Variants in CSRNP3 observed in about 807,000 individuals in gnomAD.
CSRNP3 encodes cysteine/serine-rich nuclear protein 3.
CSRNP3 carries 12 observed loss-of-function variants against 48.0 expected under a neutral mutation model. The observed-to-expected ratio is 0.25, with a 90% confidence interval of 0.16 to 0.41. The LOEUF is 0.41. Ranked by LOEUF, CSRNP3 falls within the 10% of genes least tolerant of loss-of-function variation. CSRNP3 has a pLI of 1.00. For synonymous variants in CSRNP3, 263 were observed against 269.7 expected, an observed-to-expected ratio of 0.98 and a Z score of 0.24; for missense variants, 580 against 724.4, an observed-to-expected ratio of 0.80 and a Z score of 2.29.
chr2:165,531,956 T>C (rs1183586361), intron 3 of CSRNP3, among the ~76,000 whole-genome samples: 1 of 152,078 alleles, frequency 6.6e-6, no homozygotes, highest in African/African-American at 2.4e-5. Flanking sequence ...CTAGAAAATC[T>C]AGAAGAAGTG....
intron 5 of CSRNP3, among the ~76,000 whole-genome samples, chr2:165,667,575 C>T (rs1286332928): frequency 6.6e-6 from 1 of 152,172 alleles, no homozygotes; most frequent in Non-Finnish European, 1.5e-5. Flanking sequence ...TTGTCTGGGC[C>T]TGGAGATTCT....
rs545506483 is a variant in CSRNP3, at chr2:165,486,074, G to A, written c.-282-8685G>A. Among the ~76,000 whole-genome samples, 12 of 152,292 alleles carry A rather than the reference G, an allele frequency of 7.9e-5. No homozygotes were observed. The South Asian group carries it at 2.5e-3, about 32-fold the overall frequency. On this transcript the variant is annotated intron_variant, in intron 1 of 6. Coordinates refer to ENST00000651982, the MANE Select transcript of CSRNP3 (RefSeq NM_001172173.2). ...AGGGAGTGCCAGACAGTGGGCGCAG[G>A]CCAGTGGGTGCGCGCACCGTGCGCG...
intron 4 of CSRNP3, among the ~76,000 whole-genome samples, chr2:165,656,819 C>T (rs994614445): frequency 3.3e-5 from 5 of 151,876 alleles, no homozygotes; most frequent in African/African-American, 9.7e-5. Context: ...AAATAAGATC[C>T]GAGGTATGAG....
chr2:165,560,353 C>G (rs542243678), intron 3 of CSRNP3, among the ~76,000 whole-genome samples: 1 of 152,252 alleles, frequency 6.6e-6, no homozygotes, highest in Non-Finnish European at 1.5e-5. Context: ...GAAAATTACC[C>G]ATGTCATTAG....
At chr2:165,606,852 GGAA>G (rs1206632015) in intron 4 of CSRNP3, among the ~76,000 whole-genome samples, 1 of 152,140 alleles carries the variant, frequency 6.6e-6, no homozygotes, top group African/African-American at 2.4e-5. Context: ...CATTTTTTAT[GGAA>G]GTAAAAATAT....
At position 165,679,652 on chromosome 2, in the gene CSRNP3, A is replaced by G. The variant is rs1687497381; in HGVS notation, c.1657A>G (p.Ile553Val). 3.7e-6 allele frequency: 6 copies of G among 1,614,152 alleles called. No individual in the cohort carries two copies. The highest frequency in any genetic ancestry group is 4.2e-6 in the Non-Finnish European group (5 of 1,180,004). ...FVSALNGDSH[I>V]SEHPAENSLS... The stretch of plus-strand genomic sequence containing the variant: ...CTCTGCATTGAATGGTGACAGTCAC[A>G]TTTCAGAGCATCCTGCTGAAAATTC... The change falls in exon 7 of 7, where the codon ATT becomes GTT. Residue 553 changes from isoleucine to valine, a missense_variant. Physicochemically the swap from Ile to Val is conservative, Grantham distance 29 (BLOSUM62 3). This residue lies in a region of CSRNP3 where 369 missense variants were observed against 380.8 expected (regional missense o/e 0.97). Transcript: ENST00000651982.
At chr2:165,530,811 G>A (rs545803105) in intron 3 of CSRNP3, among the ~76,000 whole-genome samples, 1 of 151,840 alleles carries the variant, frequency 6.6e-6, no homozygotes, top group African/African-American at 2.4e-5. Context: ...CTTACTCTAA[G>A]GCATACATTT....
intron 4 of CSRNP3, among the ~76,000 whole-genome samples, chr2:165,609,520 G>A (rs1558949425): frequency 7.5e-6 from 1 of 134,026 alleles, no homozygotes; most frequent in South Asian, 2.4e-4. Context: ...CCCACCTTTG[G>A]TTTTCTTATC....
In CSRNP3 at chr2:165,676,397, A is replaced by G. The variant is rs776223100; in HGVS notation, c.494A>G (p.Asn165Ser). Residue 165 changes from asparagine (N) to serine (S), a missense_variant, in exon 6 of 7, where the codon AAC becomes AGC. Around this residue, in one of 4 missense-constraint regions of CSRNP3, gnomAD observed 62 missense variants for 66.4 expected, o/e 0.93. Coordinates refer to ENST00000651982, the MANE Select transcript of CSRNP3 (RefSeq NM_001172173.2). Reference protein sequence around the residue: ...DISDDDIDLDNTEVDEYFFLQ... With the variant: ...DISDDDIDLDSTEVDEYFFLQ... Reference sequence around the variant, plus strand: ...TCTGATGATGACATTGACCTGGACAACACAGAGGTAGATGAGTACTTCTTC... The same window carrying G: ...TCTGATGATGACATTGACCTGGACAGCACAGAGGTAGATGAGTACTTCTTC... 4 of 1,614,060 alleles carry G rather than the reference A, an allele frequency of 2.5e-6. No individual in the cohort carries two copies. In the South Asian group the frequency reaches 4.4e-5, roughly 18 times the overall value.
Position 165,666,964 on chromosome 2 carries a change from A to AAAGAGAG in CSRNP3, c.408+8945_408+8946insAGAGAGA, listed in dbSNP as rs1423333062. ...AAAGAAAGAGAGAGAGGAAGGAAGG[A>AAAGAGAG]AGGAAGGAAAGAGAGAGAGGAAGAA... On this transcript the variant is annotated intron_variant, in intron 5 of 6. Coordinates refer to ENST00000651982, the MANE Select transcript of CSRNP3 (RefSeq NM_001172173.2). 9.3e-5 allele frequency among the ~76,000 whole-genome samples: 13 copies of AAAGAGAG among 139,430 alleles called. 4 individuals are homozygous for AAAGAGAG. The highest frequency in any genetic ancestry group is 2.3e-4 in the East Asian group (1 of 4,396). 91.5% of individuals were successfully genotyped at this position (139,430 alleles called of 152,430 possible). A position where few individuals can be genotyped will look rare whatever the true frequency, so the allele number is the denominator to read the frequency against.
chr2:165,620,741 T>C (rs1573924056), intron 4 of CSRNP3, among the ~76,000 whole-genome samples: 1 of 152,116 alleles, frequency 6.6e-6, no homozygotes, highest in African/African-American at 2.4e-5. Context: ...TTACATGTGG[T>C]ATTTGTAAGG....
chr2:165,666,116 A>G (rs1687190999), intron 5 of CSRNP3, among the ~76,000 whole-genome samples: 1 of 137,564 alleles, frequency 7.3e-6, no homozygotes, highest in African/African-American at 2.7e-5. Flanking sequence ...AAAGAAAGAG[A>G]GAGAGAAAGG....
intron 4 of CSRNP3, among the ~76,000 whole-genome samples, chr2:165,609,577 A>T (rs1320152486): frequency 6.6e-6 from 1 of 151,982 alleles, no homozygotes; most frequent in African/African-American, 2.4e-5. Context: ...CTTATAAGCT[A>T]AAATGAGTGA....
intron 3 of CSRNP3, among the ~76,000 whole-genome samples, chr2:165,547,183 T>G (rs554910092): frequency 6.6e-6 from 1 of 152,296 alleles, no homozygotes; most frequent in South Asian, 2.1e-4. Context: ...GACCATCCCT[T>G]ATTATGATGT....
At position 165,678,877 on chromosome 2, in the gene CSRNP3, G is replaced by T. The variant is rs1687473479; in HGVS notation, c.882G>T (p.Glu294Asp). 1 of 1,613,932 alleles carries T rather than the reference G, an allele frequency of 6.2e-7. No individual in the cohort carries two copies. The highest frequency in any genetic ancestry group is 1.3e-5 in the African/African-American group (1 of 74,926). The change falls in exon 7 of 7, where the codon GAG becomes GAT. Residue 294 changes from glutamate to aspartate, a missense_variant. Glu to Asp is a conservative substitution (Grantham distance 45). Transcript: ENST00000651982. ...CCACGCTGAATGGCTGCCACAGTGAGATAAGTGCTCACAGTAGTTCTATGG... is the reference window on the plus strand; with the variant it reads ...CCACGCTGAATGGCTGCCACAGTGATATAAGTGCTCACAGTAGTTCTATGG... ...QIPTLNGCHS[E>D]ISAHSSSMGP...
intron 2 of CSRNP3, among the ~76,000 whole-genome samples, chr2:165,502,881 A>G (rs529190103): frequency 6.6e-6 from 1 of 151,822 alleles, no homozygotes; most frequent in Non-Finnish European, 1.5e-5. Context: ...TTGCACTTGA[A>G]TTTCTCTGAA....
intron 3 of CSRNP3, among the ~76,000 whole-genome samples, chr2:165,543,898 A>C (rs1051097220): frequency 6.6e-6 from 1 of 152,124 alleles, no homozygotes; most frequent in Non-Finnish European, 1.5e-5. Context: ...GAACACATCA[A>C]TAAAAAAAGA....
chr2:165,587,909 A>G (rs1018728215), intron 3 of CSRNP3, among the ~76,000 whole-genome samples: 1 of 152,232 alleles, frequency 6.6e-6, no homozygotes, highest in Non-Finnish European at 1.5e-5. Flanking sequence ...TAGCAGAAAA[A>G]AACGGATATT....
intron 1 of CSRNP3, among the ~76,000 whole-genome samples, chr2:165,479,767 TC>T (rs1490950625): frequency 6.6e-6 from 1 of 151,696 alleles, no homozygotes; most frequent in East Asian, 1.9e-4. Flanking sequence ...ATGCCTATAG[TC>T]CTAGCTACTT....
Sources: gnomAD v4.1 joint callset for allele counts (sites outside exome capture counted in the v4.1 genomes callset) on GRCh38, gnomAD v4.1.1 for gene constraint, gnomAD v4.1.1 regional missense constraint, MANE v1.5 for transcripts, NCBI Gene and HGNC (gene_info 2026-07-23, HGNC 2026-07-21) for gene names.